The following TMPRSS12 variants were observed in gnomAD, a reference collection of about 807,000 sequenced individuals.
TMPRSS12 encodes transmembrane protease serine 12.
Under a neutral mutation model 26.0 loss-of-function variants are expected in TMPRSS12, and 25 were observed. The observed-to-expected ratio is 0.96, with a 90% CI of 0.70 to 1.34. TMPRSS12 has a LOEUF of 1.34. Among genes scored for constraint, TMPRSS12 ranks in the 40% most tolerant of loss-of-function variants. The pLI is 0.00. For synonymous variants in TMPRSS12, 150 were observed against 161.7 expected, an observed-to-expected ratio of 0.93 and a Z score of 0.55; for missense variants, 441 against 440.1, an observed-to-expected ratio of 1.00 and a Z score of -0.02.
At chr12:50,856,786 A>G (rs570006283) in intron 2 of TMPRSS12, among the ~76,000 whole-genome samples, 1 of 152,130 alleles carries the variant, frequency 6.6e-6, no homozygotes, top group Non-Finnish European at 1.5e-5. Context: ...CCTGGGCTCA[A>G]GCAATCCTCC....
intron 2 of TMPRSS12, among the ~76,000 whole-genome samples, chr12:50,856,938 TCTCGGC>T (rs1370300656): frequency 6.6e-6 from 1 of 152,040 alleles, no homozygotes; most frequent in Admixed American, 6.6e-5. Flanking sequence ...AATCTGCCTG[TCTCGGC>T]CTCCCAAAGT....
At chr12:50,866,430 T>C (rs1165716911) in intron 3 of TMPRSS12, among the ~76,000 whole-genome samples, 6 of 152,028 alleles carry the variant, frequency 3.9e-5, no homozygotes, top group Non-Finnish European at 1.5e-5. Flanking sequence ...TACAACTCCA[T>C]TGACCTGGGC....
At chr12:50,870,290 G>A (rs1218488569) in intron 3 of TMPRSS12, among the ~76,000 whole-genome samples, 1 of 151,876 alleles carries the variant, frequency 6.6e-6, no homozygotes, top group South Asian at 2.1e-4. Context: ...TCCAGGGATG[G>A]TTTAACATAC....
intron 2 of TMPRSS12, among the ~76,000 whole-genome samples, chr12:50,857,064 G>C (rs916074313): frequency 6.6e-6 from 1 of 152,056 alleles, no homozygotes; most frequent in African/African-American, 2.4e-5. Context: ...ACACTTCCTA[G>C]AAATAATAGC....
intron 3 of TMPRSS12, among the ~76,000 whole-genome samples, chr12:50,871,586 T>C (rs1470261088): frequency 6.6e-6 from 1 of 152,112 alleles, no homozygotes; most frequent in Non-Finnish European, 1.5e-5. Context: ...CAAACAAAGA[T>C]AAATAGCTGG....
intron 3 of TMPRSS12, among the ~76,000 whole-genome samples, chr12:50,879,044 T>G (rs1938140309): frequency 6.6e-6 from 1 of 152,238 alleles, no homozygotes; most frequent in Non-Finnish European, 1.5e-5. Flanking sequence ...TGCCTTGATC[T>G]TCAATTTCAG....
chr12:50,885,395 C>T lies in TMPRSS12; in HGVS notation c.795+7C>T, dbSNP rs777612545. 13 of 1,613,710 alleles carry T rather than the reference C, an allele frequency of 8.1e-6. No homozygotes were observed. Among genetic ancestry groups the T allele is most frequent in the South Asian group, 2.2e-5 (2 of 91,082 alleles). ...AGCTTTTGATACTTGCAGGGTAAGACCAAGTAATTTTCCTTTAAAATATTT... is the reference window on the plus strand; with the variant it reads ...AGCTTTTGATACTTGCAGGGTAAGATCAAGTAATTTTCCTTTAAAATATTT... On this transcript the variant is annotated splice_region_variant and intron_variant, in intron 4 of 4. Transcript: ENST00000398458.
intron 2 of TMPRSS12, among the ~76,000 whole-genome samples, chr12:50,855,745 CACAT>C (rs1473346606): frequency 6.6e-6 from 1 of 152,148 alleles, no homozygotes; most frequent in African/African-American, 2.4e-5. Context: ...ACCATAAAGA[CACAT>C]GCATGCATAT....
At chr12:50,855,583 G>A (rs550225841) in intron 2 of TMPRSS12, among the ~76,000 whole-genome samples, 5 of 152,262 alleles carry the variant, frequency 3.3e-5, no homozygotes, top group South Asian at 4.1e-4. Flanking sequence ...TATGGAGAAA[G>A]CAAATGCTTA....
At position 50,843,110 on chromosome 12, in the gene TMPRSS12, A is replaced by G. The variant is rs561577287; in HGVS notation, c.146A>G (p.Lys49Arg). Residue 49 changes from lysine (K) to arginine (R), a missense_variant, in exon 1 of 5, where the codon AAG becomes AGG. Transcript: ENST00000398458. ...TCCCAGCAGGCTGAGGCCGTCCGCA[A>G]GAGGCTCCGGCGGCGGAGGGAGGGA... is the stretch of plus-strand genomic sequence containing the variant. ...ASSQQAEAVR[K>R]RLRRRREGGA... The G allele has an allele frequency of 6.9e-5, 109 of 1,578,770 alleles. No homozygotes were observed. The highest frequency in any genetic ancestry group is 5.8e-4 in the Admixed American group (31 of 53,722).
intron 2 of TMPRSS12, among the ~76,000 whole-genome samples, chr12:50,844,315 A>G (rs1937747723): frequency 6.6e-6 from 1 of 151,772 alleles, no homozygotes; most frequent in Non-Finnish European, 1.5e-5. Context: ...ATCTAACTAC[A>G]TTAGGTATTT....
At chr12:50,858,085 G>T (rs1013034369) in intron 2 of TMPRSS12, among the ~76,000 whole-genome samples, 2 of 152,098 alleles carry the variant, frequency 1.3e-5, no homozygotes, top group African/African-American at 4.8e-5. Context: ...CTCGTGATCT[G>T]CCTGCCTTGG....
chr12:50,885,438 AC>A, intron 4 of TMPRSS12, 50 bp downstream of exon 4: 1 of 1,608,722 alleles, frequency 6.2e-7, no homozygotes, highest in South Asian at 1.1e-5. Context: ...CCAGAAGGGA[AC>A]TTGTCAAACA....
At position 50,843,080 on chromosome 12, in the gene TMPRSS12, C is replaced by G. The variant is rs1156940750; in HGVS notation, c.116C>G (p.Ala39Gly). 4 of 1,586,484 alleles carry G rather than the reference C, an allele frequency of 2.5e-6. No homozygotes were observed. ...CTCGGCCCCTCGCCGGAACCGGCGG[C>G]TAGTTCCCAGCAGGCTGAGGCCGTC... ...HRLGPSPEPA[A>G]SSQQAEAVRK... Residue 39 changes from alanine to glycine, a missense_variant, in exon 1 of 5, where the codon GCT (alanine) becomes GGT (glycine). By Grantham distance (60) the Ala-to-Gly change is moderately conservative. Coordinates refer to ENST00000398458, the MANE Select transcript of TMPRSS12 (RefSeq NM_182559.3).
intron 3 of TMPRSS12, among the ~76,000 whole-genome samples, chr12:50,862,071 G>A (rs529044250): frequency 6.6e-6 from 1 of 152,314 alleles, no homozygotes; most frequent in South Asian, 2.1e-4. Context: ...GCCTCCCAAA[G>A]TGCTGGGATT....
At chr12:50,852,953 C>A (rs1056650166) in intron 2 of TMPRSS12, among the ~76,000 whole-genome samples, 8 of 152,232 alleles carry the variant, frequency 5.3e-5, no homozygotes, top group African/African-American at 1.9e-4. Flanking sequence ...TATTTGAGAT[C>A]TAAACTTGAC....
At chr12:50,872,512 T>A (rs1592222772) in intron 3 of TMPRSS12, among the ~76,000 whole-genome samples, 1 of 70,798 alleles carries the variant, frequency 1.4e-5, no homozygotes. Context: ...AGAGCGAGAC[T>A]CCGTCTCAAA....
chr12:50,857,501 A>G (rs1422535641), intron 2 of TMPRSS12, among the ~76,000 whole-genome samples: 1 of 152,176 alleles, frequency 6.6e-6, no homozygotes, highest in Non-Finnish European at 1.5e-5. Context: ...TCACATAAAC[A>G]TTGCCAATTT....
intron 3 of TMPRSS12, among the ~76,000 whole-genome samples, chr12:50,872,307 A>G (rs1330390256): frequency 6.6e-6 from 1 of 151,264 alleles, no homozygotes; most frequent in Non-Finnish European, 1.5e-5. Flanking sequence ...AGGTCAGGAG[A>G]TCGAGACCAT....
Sources: gnomAD v4.1 joint callset for allele counts (sites outside exome capture counted in the v4.1 genomes callset) on GRCh38, gnomAD v4.1.1 for gene constraint, MANE v1.5 for transcripts, NCBI Gene and HGNC (gene_info 2026-07-23, HGNC 2026-07-21) for gene names.